The following ENTREP2 variants were observed in gnomAD, a reference collection of about 807,000 sequenced individuals.
ENTREP2 encodes the protein protein ENTREP2.
the ENTREP2 span, among the ~76,000 whole-genome samples, chr15:29,620,575 C>A: frequency 6.6e-6 from 1 of 151,962 alleles, no homozygotes; most frequent in Non-Finnish European, 1.5e-5. Context: ...GAGTTCCAGG[C>A]TCCGATGAAG....
At chr15:29,330,520 A>G in the ENTREP2 span, among the ~76,000 whole-genome samples, 4 of 152,166 alleles carry the variant, frequency 2.6e-5, no homozygotes, top group African/African-American at 4.8e-5. Flanking sequence ...ATCATGAGAA[A>G]AACATCAGAG....
the ENTREP2 span, among the ~76,000 whole-genome samples, chr15:29,353,709 G>A: frequency 6.6e-6 from 1 of 152,106 alleles, no homozygotes. Flanking sequence ...GCCACCACCT[G>A]GGAGGTAGGT....
the ENTREP2 span, among the ~76,000 whole-genome samples, chr15:29,580,921 C>T: frequency 6.6e-6 from 1 of 152,128 alleles, no homozygotes; most frequent in African/African-American, 2.4e-5. Context: ...CCCTTTTAAG[C>T]CATCTATTCT....
At chr15:29,315,339 T>C in the ENTREP2 span, among the ~76,000 whole-genome samples, 1 of 152,284 alleles carries the variant, frequency 6.6e-6, no homozygotes, top group African/African-American at 2.4e-5. Flanking sequence ...AAAATGTATT[T>C]AAAGCCCCCC....
the ENTREP2 span, among the ~76,000 whole-genome samples, chr15:29,661,597 A>G: frequency 2.8e-3 from 428 of 152,344 alleles, 5 homozygotes; most frequent in African/African-American, 9.5e-3. Context: ...ACCTGAGTAT[A>G]AACAAAAAAG....
chr15:29,286,593 G>A, the ENTREP2 span, among the ~76,000 whole-genome samples: 1 of 152,128 alleles, frequency 6.6e-6, no homozygotes, highest in African/African-American at 2.4e-5. Flanking sequence ...TCTGAGTCCT[G>A]GAGCCCCGGC....
At chr15:29,151,559 A>T in the ENTREP2 span, among the ~76,000 whole-genome samples, 2,755 of 152,224 alleles carry the variant, frequency 0.018, 54 homozygotes, top group East Asian at 0.087. Context: ...AAATAAATAC[A>T]TCAGCGGCGC....
the ENTREP2 span, among the ~76,000 whole-genome samples, chr15:29,440,650 T>C: frequency 6.6e-6 from 1 of 152,138 alleles, no homozygotes; most frequent in Non-Finnish European, 1.5e-5. Flanking sequence ...TCACCTGTGG[T>C]TCCCGTCCTG....
chr15:29,302,836 C>T, the ENTREP2 span, among the ~76,000 whole-genome samples: 4 of 152,134 alleles, frequency 2.6e-5, no homozygotes, highest in Middle Eastern at 3.2e-3. Context: ...ATTGTTTATT[C>T]TCCAAATCAA....
the ENTREP2 span, among the ~76,000 whole-genome samples, chr15:29,444,176 A>T: frequency 1.8e-5 from 1 of 54,882 alleles, no homozygotes; most frequent in African/African-American, 8.7e-5. Context: ...CAGACAAAGA[A>T]AGAAAGAAAG....
At chr15:29,204,083 C>T in the ENTREP2 span, among the ~76,000 whole-genome samples, 1 of 152,134 alleles carries the variant, frequency 6.6e-6, no homozygotes, top group Non-Finnish European at 1.5e-5. Context: ...ATTCTGAAAA[C>T]CTCCTGGTTA....
chr15:29,213,696 T>C, the ENTREP2 span, among the ~76,000 whole-genome samples: 10,167 of 152,190 alleles, frequency 0.067, 1,175 homozygotes, highest in African/African-American at 0.23. Flanking sequence ...TGGGCTGAGA[T>C]GATGGGGTTT....
the ENTREP2 span, among the ~76,000 whole-genome samples, chr15:29,538,570 A>G: frequency 8.7e-5 from 13 of 149,888 alleles, no homozygotes; most frequent in Admixed American, 2.0e-4. Flanking sequence ...TGAGGCGGGC[A>G]GATCACAAGA....
the ENTREP2 span, among the ~76,000 whole-genome samples, chr15:29,559,477 G>GCAACA: frequency 2.0e-5 from 3 of 152,104 alleles, no homozygotes; most frequent in Non-Finnish European, 4.4e-5. Flanking sequence ...GTGACTTATA[G>GCAACA]CAACACACAG....
chr15:29,376,652 G>A, the ENTREP2 span: 3 of 152,262 alleles, frequency 2.0e-5, no homozygotes, highest in Admixed American at 2.0e-4. Flanking sequence ...CCCTCACTGA[G>A]TGCTCACAGT....
the ENTREP2 span, among the ~76,000 whole-genome samples, chr15:29,663,725 AG>A: frequency 1.3e-5 from 2 of 151,880 alleles, no homozygotes; most frequent in Non-Finnish European, 2.9e-5. Context: ...GGGGAGGGGG[AG>A]GGGGGAGAGA....
the ENTREP2 span, among the ~76,000 whole-genome samples, chr15:29,235,377 T>G: frequency 1.3e-5 from 2 of 152,248 alleles, no homozygotes; most frequent in Non-Finnish European, 2.9e-5. Flanking sequence ...CTATTGTCTT[T>G]TCATCTTGCT....
chr15:29,392,287 A>C, the ENTREP2 span, among the ~76,000 whole-genome samples: 1 of 152,102 alleles, frequency 6.6e-6, no homozygotes, highest in Admixed American at 6.6e-5. Flanking sequence ...TCATGCTTTT[A>C]AAAACCTTAT....
the ENTREP2 span, among the ~76,000 whole-genome samples, chr15:29,166,516 A>G: frequency 3.3e-5 from 5 of 152,208 alleles, no homozygotes; most frequent in African/African-American, 4.8e-5. Flanking sequence ...TAGCTCTTCT[A>G]TACACCAACA....
Sources: gnomAD v4.1 joint callset for allele counts (sites outside exome capture counted in the v4.1 genomes callset) on GRCh38, gnomAD v4.1.1 for gene constraint, MANE v1.5 for transcripts, NCBI Gene and HGNC (gene_info 2026-07-23, HGNC 2026-07-21) for gene names.